Variants in XYLT2 observed in about 807,000 individuals in gnomAD.
XYLT2 encodes xylosyltransferase 2.
XYLT2 carries 37 observed loss-of-function variants against 82.6 expected under a neutral mutation model. The ratio of observed to expected loss-of-function variants is 0.45; its 90% CI spans 0.34 to 0.59. XYLT2 has a LOEUF of 0.59. Among genes scored for constraint, XYLT2 ranks in the 20% least tolerant of loss-of-function variants. XYLT2 has a pLI of 0.01. For missense variants in XYLT2, 934 were observed against 1,181.3 expected (o/e 0.79, Z 3.07); for synonymous variants, 474 against 499.0 (o/e 0.95, Z 0.67).
At position 50,346,971 on chromosome 17, in the gene XYLT2, G is replaced by T. The variant is rs1252085911; in HGVS notation, c.135+696G>T. 1.0e-6 allele frequency: 1 copy of T among 979,392 alleles called. No homozygotes were observed. Among genetic ancestry groups the T allele is most frequent in the African/African-American group, 1.8e-5 (1 of 57,082 alleles). 60.7% of individuals were successfully genotyped at this position (979,392 alleles called of 1,614,324 possible). On this transcript the variant is annotated intron_variant, in intron 1 of 10. Transcript: ENST00000017003. The surrounding 1 kb of genome is among the most constrained non-coding windows in gnomAD (Gnocchi z 5.1). ...TCAGGACCTTAGGGAATTAGGGAGG[G>T]GCCCTCTGGCTTTAAGGGAATGGGG...
Position 50,354,566 on chromosome 17 carries a change from T to A in XYLT2, c.787T>A (p.Tyr263Asn). 6.2e-7 allele frequency: 1 copy of A among 1,610,286 alleles called. No individual in the cohort carries two copies. The highest frequency in any genetic ancestry group is 2.2e-5 in the East Asian group (1 of 44,822). Residue 263 changes from tyrosine (Y) to asparagine (N), a missense_variant, in exon 3 of 11, where the codon TAC becomes AAC. This residue lies in a region of XYLT2 where 371 missense variants were observed against 394.9 expected (regional missense o/e 0.94). Transcript: ENST00000017003. Reference sequence around the variant, plus strand: ...CGTTTATCACGAGCAGCACTTCTTTTACATCCATGTGGACAAGGTACTGTG... The same window carrying A: ...CGTTTATCACGAGCAGCACTTCTTTAACATCCATGTGGACAAGGTACTGTG... ...KAVYHEQHFF[Y>N]IHVDKRSDYL...
At chr17:50,352,149 G>A (rs1912299218) in intron 1 of XYLT2, among the ~76,000 whole-genome samples, 1 of 152,162 alleles carries the variant, frequency 6.6e-6, no homozygotes, top group Admixed American at 6.5e-5. Context: ...GGAGGGGAAG[G>A]CCCGTGGGAG....
At chr17:50,352,931 G>A (rs937102950) in intron 1 of XYLT2, among the ~76,000 whole-genome samples, 1 of 152,194 alleles carries the variant, frequency 6.6e-6, no homozygotes, top group Non-Finnish European at 1.5e-5. Context: ...GGAGGTGGAC[G>A]CTCTTCTTGC....
chr17:50,349,043 T>C (rs1457239834), intron 1 of XYLT2, among the ~76,000 whole-genome samples: 1 of 152,156 alleles, frequency 6.6e-6, no homozygotes, highest in East Asian at 1.9e-4. Flanking sequence ...TCTGGGATTG[T>C]CCTTCTCAGG....
intron 7 of XYLT2, 124 bp downstream of exon 7, chr17:50,356,385 C>T: frequency 4.5e-6 from 7 of 1,547,608 alleles, no homozygotes. Context: ...CCTCAGGGGT[C>T]TGGGGCTACA....
intron 7 of XYLT2, 100 bp downstream of exon 7, chr17:50,356,361 C>T (rs775413432): frequency 1.4e-5 from 21 of 1,550,620 alleles, no homozygotes; most frequent in African/African-American, 2.7e-5. Flanking sequence ...TGGGGGGCCA[C>T]GGCCTGCAGC....
rs1027842206 is a variant in XYLT2, at chr17:50,358,431, G to A, written c.2166G>A (p.Leu722=). 2.5e-6 allele frequency: 4 copies of A among 1,614,030 alleles called. No homozygotes were observed. The highest frequency in any genetic ancestry group is 3.4e-6 in the Non-Finnish European group (4 of 1,180,048). The change falls in exon 10 of 11, where the codon CTG becomes CTA. Residue 722 remains leucine (L), a synonymous_variant. Transcript: ENST00000017003. Reference sequence around the variant, plus strand: ...ACAAGCCCCCACTGAGCCGGCCCCTGCGGCCAGGGCCCTGGACTGTTCGAC... The same window carrying A: ...ACAAGCCCCCACTGAGCCGGCCCCTACGGCCAGGGCCCTGGACTGTTCGAC... ...TQYKPPLSRP[L]RPGPWTVRLL... is the part of the protein sequence containing the mutation.
At chr17:50,359,187 A>C (rs2143243372) in intron 10 of XYLT2, 1 of 152,952 alleles carries the variant, frequency 6.5e-6, no homozygotes, top group Middle Eastern at 3.4e-3. Context: ...CCAGGTGGGC[A>C]GGGTCATGTG....
intron 1 of XYLT2, among the ~76,000 whole-genome samples, chr17:50,350,745 G>A (rs1912232710): frequency 6.6e-6 from 1 of 152,164 alleles, no homozygotes; most frequent in Non-Finnish European, 1.5e-5. Flanking sequence ...AATATTGTGC[G>A]ATGGTGAAAA....
chr17:50,359,799 C>CA, intron 10 of XYLT2, 170 bp from the exon 11 acceptor site: 1 of 624,726 alleles, frequency 1.6e-6, no homozygotes, highest in Non-Finnish European at 2.8e-6. Context: ...TTATAAAACT[C>CA]AGTTTTATAG....
chr17:50,346,521 G>T lies in XYLT2; in HGVS notation c.135+246G>T, dbSNP rs1033180703. 11 of 886,748 alleles carry T rather than the reference G, an allele frequency of 1.2e-5. No individual in the cohort carries two copies. Among genetic ancestry groups the T allele is most frequent in the South Asian group, 5.2e-5 (1 of 19,240 alleles). 54.9% of individuals were successfully genotyped at this position (886,748 alleles called of 1,614,324 possible). ...GCCCTGGTGGATTGGGAGTCGGGCG[G>T]GGGGAGCAGGTCATGCTAGGGTGGT... On this transcript the variant is annotated intron_variant, in intron 1 of 10. Transcript: ENST00000017003. The surrounding 1 kb of genome is among the most constrained non-coding windows in gnomAD (Gnocchi z 5.1).
At chr17:50,357,590 GTC>G in intron 9 of XYLT2, 2 of 209,140 alleles carry the variant, frequency 9.6e-6, no homozygotes, top group Non-Finnish European at 1.8e-5. Context: ...GCTCCTCATA[GTC>G]TTTTTTTTTT....
In XYLT2 at chr17:50,355,615, A is replaced by G. The variant is rs373182920; in HGVS notation, c.1088+34A>G. ...GTGGGGAAGGAGGCCCTGGCCCCAG[A>G]GTCTTGTCCCAACCCCTCCCACACA... On this transcript the variant is annotated intron_variant, in intron 5 of 10. Transcript: ENST00000017003. 3.1e-6 allele frequency: 5 copies of G among 1,612,634 alleles called. No homozygotes were observed. In the African/African-American group the frequency reaches 5.3e-5, roughly 17 times the overall value.
chr17:50,358,878 C>T, intron 10 of XYLT2: 1 of 229,814 alleles, frequency 4.4e-6, no homozygotes, highest in Non-Finnish European at 8.7e-6. Flanking sequence ...CTGGTTCATG[C>T]AACACAAATC....
Position 50,355,811 on chromosome 17 carries a change from C to G in XYLT2, c.1119C>G (p.Leu373=), listed in dbSNP as rs1912497648. The G allele has an allele frequency of 1.2e-6, 2 of 1,614,128 alleles. No individual in the cohort carries two copies. The highest frequency in any genetic ancestry group is 1.7e-6 in the Non-Finnish European group (2 of 1,180,056). The part of the protein sequence containing the change: ...RFIKKQGLDR[L]FHECDSHMWR... ...TCAAGAAACAGGGCCTGGACCGGCT[C>G]TTCCATGAGTGCGACTCACACATGT... The change falls in exon 6 of 11, where the codon CTC becomes CTG. Residue 373 remains leucine (L), a synonymous_variant. Coordinates refer to ENST00000017003, the MANE Select transcript of XYLT2 (RefSeq NM_022167.4).
chr17:50,354,707 G>A, intron 3 of XYLT2, 124 bp downstream of exon 3: 2 of 1,523,402 alleles, frequency 1.3e-6, no homozygotes, highest in Non-Finnish European at 1.8e-6. Flanking sequence ...CCTGAACAGG[G>A]GAGTGGCAGC....
At position 50,353,732 on chromosome 17, in the gene XYLT2, C is replaced by T; in HGVS notation, c.238C>T (p.Arg80Cys). 1.9e-6 allele frequency: 3 copies of T among 1,559,038 alleles called. No homozygotes were observed. Among genetic ancestry groups the T allele is most frequent in the East Asian group, 2.4e-5 (1 of 41,748 alleles). ...RRGSTGRRHGRWRGRAESPGV... is the reference protein window; with the variant it reads ...RRGSTGRRHGCWRGRAESPGV... ...GGGCAGCACAGGCAGAAGGCATGGG[C>T]GCTGGCGGGGCCGTGCTGAGAGCCC... Residue 80 changes from arginine to cysteine, a missense_variant, in exon 2 of 11, where the codon CGC becomes TGC. Transcript: ENST00000017003.
At chr17:50,347,314 G>C (rs148312249) in intron 1 of XYLT2, among the ~76,000 whole-genome samples, 1 of 152,308 alleles carries the variant, frequency 6.6e-6, no homozygotes, top group African/African-American at 2.4e-5. Context: ...CCCGATACCC[G>C]CGACCCCTTA....
At chr17:50,351,903 A>C (rs913339065) in intron 1 of XYLT2, among the ~76,000 whole-genome samples, 1 of 152,180 alleles carries the variant, frequency 6.6e-6, no homozygotes, top group Non-Finnish European at 1.5e-5. Flanking sequence ...CCAGAGACTG[A>C]AAGTCACTTA....
Sources: allele counts gnomAD v4.1 joint callset (sites outside exome capture counted in the v4.1 genomes callset), GRCh38; gene constraint gnomAD v4.1.1; regional missense constraint gnomAD v4.1.1; non-coding constraint Gnocchi (gnomAD v3.1); transcripts MANE v1.5; gene names NCBI Gene and HGNC (gene_info 2026-07-23, HGNC 2026-07-21).